Variants in DDX46 observed in about 807,000 individuals in gnomAD.
DDX46 encodes probable ATP-dependent RNA helicase DDX46.
A neutral mutation model predicts 134.9 loss-of-function variants in DDX46; 30 were observed. The observed-to-expected ratio is 0.22, with a 90% CI of 0.17 to 0.30. The LOEUF (loss-of-function observed/expected upper bound fraction) is 0.30, where lower values mean the gene tolerates loss of function less well. Among genes scored for constraint, DDX46 ranks in the 10% least tolerant of loss-of-function variants. DDX46 has a pLI of 1.00. For synonymous variants in DDX46, 415 were observed against 404.1 expected (o/e 1.03, Z -0.32); for missense variants, 622 against 1,248.7 (o/e 0.50, Z 7.56).
At chr5:134,818,728 T>C in intron 20 of DDX46, 132 bp from the exon 21 acceptor site, 2 of 521,064 alleles carry the variant, frequency 3.8e-6, no homozygotes, top group Admixed American at 4.3e-5. Flanking sequence ...AAAGAATATA[T>C]ATATATGGAG....
chr5:134,816,282 C>A, intron 18 of DDX46, 148 bp from the exon 19 acceptor site: 1 of 653,470 alleles, frequency 1.5e-6, no homozygotes, highest in Non-Finnish European at 2.3e-6. Context: ...TATATTTTCC[C>A]ATGGATCTGT....
chr5:134,784,850 A>G (rs947382687), intron 10 of DDX46, among the ~76,000 whole-genome samples: 2 of 152,232 alleles, frequency 1.3e-5, no homozygotes, highest in Admixed American at 6.5e-5. Context: ...TTGTTAGCCC[A>G]GTATCAGTGG....
chr5:134,790,594 A>T (rs753278924), intron 13 of DDX46, 42 bp downstream of exon 13: 2 of 1,511,810 alleles, frequency 1.3e-6, no homozygotes, highest in South Asian at 1.2e-5. Flanking sequence ...TGTAAATATA[A>T]CTTTGTAGTT....
intron 9 of DDX46, among the ~76,000 whole-genome samples, chr5:134,784,055 C>T (rs1299665676): frequency 6.6e-6 from 1 of 152,054 alleles, no homozygotes; most frequent in Non-Finnish European, 1.5e-5. Context: ...TCCCCTCTCC[C>T]CACCCCTGGG....
At chr5:134,766,765 TGAGCA>T in intron 2 of DDX46, 147 bp from the exon 3 acceptor site, 1 of 830,826 alleles carries the variant, frequency 1.2e-6, no homozygotes, top group Non-Finnish European at 1.7e-6. Flanking sequence ...TTTTTTTCGT[TGAGCA>T]CTTATAAGAC....
chr5:134,766,806 A>T, intron 2 of DDX46, 111 bp from the exon 3 acceptor site: 1 of 1,296,820 alleles, frequency 7.7e-7, no homozygotes, highest in Non-Finnish European at 1.0e-6. Context: ...TGAGACCTCC[A>T]CCTTTAATAA....
At chr5:134,813,630 C>CTTGTT (rs1296894950) in intron 18 of DDX46, among the ~76,000 whole-genome samples, 8 of 151,406 alleles carry the variant, frequency 5.3e-5, no homozygotes, top group East Asian at 1.9e-4. Context: ...TTTTTTTTGT[C>CTTGTT]TTGTTTTGTT....
In DDX46 at chr5:134,770,776, C is replaced by T. The variant is rs1177024083; in HGVS notation, c.351-127C>T. On this transcript the variant is annotated intron_variant, in intron 3 of 22. Transcript: ENST00000452510. ...GCAGTGAGCTGAGATCGCACCATTT[C>T]ACTCCACTCCAGTCTGGGCGACAGA... is the stretch of plus-strand genomic sequence containing the variant. 8 of 712,608 alleles carry T rather than the reference C, an allele frequency of 1.1e-5. No individual in the cohort carries two copies. The African/African-American group carries it at 1.5e-4, about 14-fold the overall frequency. 44.1% of individuals were successfully genotyped at this position (712,608 alleles called of 1,614,324 possible).
At chr5:134,793,224 CTAAG>C (rs958601272) in intron 13 of DDX46, among the ~76,000 whole-genome samples, 2 of 152,140 alleles carry the variant, frequency 1.3e-5, no homozygotes, top group East Asian at 3.9e-4. Flanking sequence ...TAAAAAAACA[CTAAG>C]TAAGGTTTCA....
intron 18 of DDX46, among the ~76,000 whole-genome samples, chr5:134,813,381 C>T (rs189292157): frequency 4.6e-5 from 7 of 152,324 alleles, no homozygotes; most frequent in East Asian, 3.9e-4. Context: ...CTGGCTTAGG[C>T]GCTCGTGAGA....
chr5:134,761,859 A>G (rs985600375), intron 1 of DDX46, among the ~76,000 whole-genome samples: 8 of 152,094 alleles, frequency 5.3e-5, no homozygotes, highest in Admixed American at 4.6e-4. Flanking sequence ...TCATGCCTGG[A>G]TGATTGCTAT....
intron 15 of DDX46, among the ~76,000 whole-genome samples, chr5:134,805,614 C>T (rs541308102): frequency 2.0e-5 from 3 of 151,772 alleles, no homozygotes; most frequent in East Asian, 3.9e-4. Context: ...CGGCAATTTC[C>T]ACCTCCCAGG....
In DDX46 at chr5:134,790,473, G is replaced by A. The variant is rs777904233; in HGVS notation, c.1547G>A (p.Arg516Gln). Reference protein sequence around the residue: ...MIDMLAANSGRVTNLRRVTYV... With the variant: ...MIDMLAANSGQVTNLRRVTYV... ...TTTATTTTTCTTTTCATCTTAGGTC[G>A]GGTCACAAATCTTCGAAGAGTGACA... The change falls in exon 13 of 23, where the codon CGG (arginine) becomes CAG (glutamine). Residue 516 changes from arginine (R) to glutamine (Q), a missense_variant. Arg to Gln is a conservative substitution (Grantham distance 43). Coordinates refer to ENST00000452510, the MANE Select transcript of DDX46 (RefSeq NM_001300860.2). The A allele has an allele frequency of 1.0e-5, 16 of 1,607,020 alleles. No homozygotes were observed. Among genetic ancestry groups the A allele is most frequent in the Non-Finnish European group, 1.2e-5 (14 of 1,177,676 alleles).
At chr5:134,802,126 T>C (rs187416292) in intron 15 of DDX46, among the ~76,000 whole-genome samples, 40 of 151,894 alleles carry the variant, frequency 2.6e-4, no homozygotes, top group Non-Finnish European at 5.0e-4. Flanking sequence ...ACCTTTTTTT[T>C]CCCCTCTGTA....
At chr5:134,772,812 T>G (rs990440042) in intron 4 of DDX46, among the ~76,000 whole-genome samples, 4 of 152,252 alleles carry the variant, frequency 2.6e-5, no homozygotes, top group Middle Eastern at 3.4e-3. Context: ...GGCCTATTCA[T>G]TTTTTTGAGA....
intron 13 of DDX46, among the ~76,000 whole-genome samples, chr5:134,793,932 TATTC>T (rs1203026636): frequency 1.3e-5 from 2 of 152,176 alleles, no homozygotes; most frequent in African/African-American, 2.4e-5. Context: ...TTTCTCTGGA[TATTC>T]ATTTGTTTTT....
chr5:134,795,904 C>T lies in DDX46; in HGVS notation c.1792-84C>T. ...ATATAGCAAGATATTGTCATTCATT[C>T]ACTACAAATAAAATGAATATTTCTG... On this transcript the variant is annotated intron_variant, in intron 14 of 22. Transcript: ENST00000452510. 4 of 1,206,764 alleles carry T rather than the reference C, an allele frequency of 3.3e-6. No individual in the cohort carries two copies. The South Asian group carries it at 4.3e-5, about 13-fold the overall frequency. The allele number at this position is 1,206,764 out of a possible 1,614,324, so 74.8% of individuals were successfully genotyped here.
chr5:134,793,447 A>T (rs1754565492), intron 13 of DDX46, among the ~76,000 whole-genome samples: 1 of 151,910 alleles, frequency 6.6e-6, no homozygotes, highest in Non-Finnish European at 1.5e-5. Context: ...ACAGAGTTTC[A>T]CTCTGTCACC....
At chr5:134,804,498 C>T in intron 15 of DDX46, among the ~76,000 whole-genome samples, 1 of 152,008 alleles carries the variant, frequency 6.6e-6, no homozygotes, top group Non-Finnish European at 1.5e-5. Context: ...AGTGCAGAGG[C>T]ACAATCACAG....
Sources: allele counts gnomAD v4.1 joint callset (sites outside exome capture counted in the v4.1 genomes callset), GRCh38; gene constraint gnomAD v4.1.1; transcripts MANE v1.5; gene names NCBI Gene and HGNC (gene_info 2026-07-23, HGNC 2026-07-21).